The following KCNMA1 variants were observed in gnomAD, a reference collection of about 807,000 sequenced individuals.
KCNMA1 encodes the protein potassium calcium-activated channel subfamily M alpha 1, also known as Calcium-activated potassium channel subunit alpha-1.
In KCNMA1, 29 loss-of-function variants were observed where a neutral mutation model predicts 140.0. The observed-to-expected ratio is 0.21, with a 90% CI of 0.15 to 0.28. KCNMA1 has a LOEUF of 0.28. Among genes scored for constraint, KCNMA1 ranks in the 10% least tolerant of loss-of-function variants. The pLI is 1.00. For missense variants in KCNMA1, 880 were observed against 1,602.2 expected (o/e 0.55, Z 7.70); for synonymous variants, 612 against 611.9 (o/e 1.00, Z 0.00).
At chr10:76,881,970 C>T (rs1486389750), downstream of KCNMA1, among the ~76,000 whole-genome samples, 5 of 152,104 alleles carry the variant, frequency 3.3e-5, no homozygotes, top group Non-Finnish European at 5.9e-5. Flanking sequence ...CATCTGAGAG[C>T]CATCTGTTTC....
intron 1 of KCNMA1, among the ~76,000 whole-genome samples, chr10:77,616,773 TC>T (rs1470133153): frequency 6.6e-6 from 1 of 150,480 alleles, no homozygotes; most frequent in East Asian, 1.9e-4. Context: ...ACCACTGCAC[TC>T]CAGTCTGGGC....
At chr10:77,017,540 T>A (rs1476044275) in intron 17 of KCNMA1, among the ~76,000 whole-genome samples, 7 of 152,268 alleles carry the variant, frequency 4.6e-5, no homozygotes, top group African/African-American at 1.4e-4. Context: ...TTTGCAGAAA[T>A]AAATTTAAGT....
intron 1 of KCNMA1, among the ~76,000 whole-genome samples, chr10:77,446,008 G>C (rs770568207): frequency 3.3e-5 from 5 of 152,196 alleles, no homozygotes; most frequent in Non-Finnish European, 7.3e-5. Context: ...GACAGGGTGA[G>C]TGGGAAAGCT....
chr10:77,003,500 G>A (rs1427430373), intron 18 of KCNMA1, among the ~76,000 whole-genome samples: 1 of 152,142 alleles, frequency 6.6e-6, no homozygotes, highest in Non-Finnish European at 1.5e-5. Context: ...ACAATCTGCA[G>A]ACATTCCCTT....
chr10:77,612,898 T>C (rs1414105073), intron 1 of KCNMA1, among the ~76,000 whole-genome samples: 1 of 152,154 alleles, frequency 6.6e-6, no homozygotes, highest in African/African-American at 2.4e-5. Context: ...GCTGACTCCT[T>C]TCTGGATTCT....
chr10:77,147,862 C>A (rs1323189968), intron 5 of KCNMA1: 1 of 152,092 alleles, frequency 6.6e-6, no homozygotes, highest in Non-Finnish European at 1.5e-5. Flanking sequence ...ACAGGGAGGA[C>A]CTGAATCAGT....
At chr10:77,287,453 G>A (rs985957624) in intron 2 of KCNMA1, among the ~76,000 whole-genome samples, 1 of 152,190 alleles carries the variant, frequency 6.6e-6, no homozygotes, top group African/African-American at 2.4e-5. Flanking sequence ...AGAAGAGACT[G>A]TCTAGTCCAG....
At chr10:77,364,080 T>C (rs2094179891) in intron 2 of KCNMA1, among the ~76,000 whole-genome samples, 1 of 152,142 alleles carries the variant, frequency 6.6e-6, no homozygotes, top group Admixed American at 6.5e-5. Flanking sequence ...TTTATTCAGT[T>C]CTCCAATGTC....
chr10:77,332,780 C>T (rs971978652), intron 2 of KCNMA1, among the ~76,000 whole-genome samples: 1 of 152,176 alleles, frequency 6.6e-6, no homozygotes. Context: ...CACAGAAGTA[C>T]ACAGCTCTCA....
chr10:77,251,348 G>A (rs1235227525), intron 2 of KCNMA1, 92 bp from the exon 3 acceptor site: 1 of 936,468 alleles, frequency 1.1e-6, no homozygotes, highest in Non-Finnish European at 1.7e-6. Context: ...TTGAAATACG[G>A]TGCCCATTGC....
chr10:77,055,413 G>T (rs1284232975), intron 14 of KCNMA1, among the ~76,000 whole-genome samples: 2 of 152,076 alleles, frequency 1.3e-5, no homozygotes, highest in African/African-American at 2.4e-5. Context: ...CTAATGCGAG[G>T]TAACTCTTAG....
chr10:77,015,312 GC>G (rs957363311), intron 17 of KCNMA1, among the ~76,000 whole-genome samples: 1 of 152,060 alleles, frequency 6.6e-6, no homozygotes, highest in African/African-American at 2.4e-5. Context: ...GCACACGACA[GC>G]CTCTCTCTCC....
At chr10:77,155,709 C>T (rs549410004) in intron 5 of KCNMA1, among the ~76,000 whole-genome samples, 1 of 152,066 alleles carries the variant, frequency 6.6e-6, no homozygotes, top group Non-Finnish European at 1.5e-5. Flanking sequence ...TAAGAAGATG[C>T]TATGCAAAAA....
chr10:77,431,014 G>A, intron 1 of KCNMA1, among the ~76,000 whole-genome samples: 1 of 152,210 alleles, frequency 6.6e-6, no homozygotes, highest in East Asian at 1.9e-4. Context: ...TCTCCAGGCT[G>A]CAGGGAACTA....
chr10:77,416,664 G>A (rs753349317), intron 1 of KCNMA1, among the ~76,000 whole-genome samples: 2 of 152,090 alleles, frequency 1.3e-5, no homozygotes, highest in South Asian at 2.1e-4. Flanking sequence ...CATCCCCTTC[G>A]CTGCTGTTCT....
intron 1 of KCNMA1, among the ~76,000 whole-genome samples, chr10:77,418,247 C>G (rs955252740): frequency 2.6e-5 from 4 of 152,176 alleles, no homozygotes; most frequent in Non-Finnish European, 5.9e-5. Context: ...GGATGGCAAG[C>G]GCCTGGCCCT....
At chr10:77,136,783 C>T (rs1186616228) in intron 5 of KCNMA1, among the ~76,000 whole-genome samples, 1 of 152,008 alleles carries the variant, frequency 6.6e-6, no homozygotes, top group Non-Finnish European at 1.5e-5. Context: ...ATATTTATAT[C>T]AAAATTTCTA....
chr10:77,134,750 G>T (rs2097949257), intron 5 of KCNMA1, among the ~76,000 whole-genome samples: 1 of 152,016 alleles, frequency 6.6e-6, no homozygotes, highest in Non-Finnish European at 1.5e-5. Flanking sequence ...TGTAATCCCA[G>T]CACTTTGGGA....
chr10:77,592,862 G>A (rs2079640368), intron 1 of KCNMA1, among the ~76,000 whole-genome samples: 1 of 152,186 alleles, frequency 6.6e-6, no homozygotes, highest in South Asian at 2.1e-4. Flanking sequence ...TGCCCCGGCA[G>A]CCTGAGCCCC....
Sources: gnomAD v4.1 joint callset for allele counts (sites outside exome capture counted in the v4.1 genomes callset) on GRCh38, gnomAD v4.1.1 for gene constraint, MANE v1.5 for transcripts, NCBI Gene and HGNC (gene_info 2026-07-23, HGNC 2026-07-21) for gene names.